Variants in DRG1 observed in about 807,000 individuals in gnomAD.
DRG1 encodes the protein developmentally-regulated GTP-binding protein 1.
DRG1 carries 19 observed loss-of-function variants against 38.8 expected under a neutral mutation model. The observed-to-expected ratio is 0.49, with a 90% CI of 0.34 to 0.72. The LOEUF is 0.72. Ranked by LOEUF, DRG1 falls within the 30% of genes least tolerant of loss-of-function variation. DRG1 has a pLI of 0.01. For synonymous variants in DRG1, 167 were observed against 157.5 expected (o/e 1.06, Z -0.45); for missense variants, 299 against 444.8 (o/e 0.67, Z 2.95).
intron 3 of DRG1, among the ~76,000 whole-genome samples, chr22:31,404,654 C>A (rs138161818): frequency 5.2e-4 from 78 of 151,308 alleles, no homozygotes; most frequent in African/African-American, 1.7e-3. Flanking sequence ...CAGCATCTTG[C>A]TCTGTCTCCC....
chr22:31,419,499 T>A (rs1311612481), intron 4 of DRG1, among the ~76,000 whole-genome samples: 1 of 151,910 alleles, frequency 6.6e-6, no homozygotes, highest in Non-Finnish European at 1.5e-5. Flanking sequence ...CAAAATAATA[T>A]ATTTTATATG....
intron 4 of DRG1, among the ~76,000 whole-genome samples, chr22:31,415,354 T>C (rs2050038504): frequency 2.0e-5 from 3 of 152,242 alleles, no homozygotes; most frequent in Admixed American, 6.5e-5. Flanking sequence ...GAAACTTTTA[T>C]TGGATACCAC....
intron 2 of DRG1, among the ~76,000 whole-genome samples, chr22:31,402,759 C>T (rs2049970251): frequency 6.6e-6 from 1 of 152,102 alleles, no homozygotes; most frequent in Non-Finnish European, 1.5e-5. Context: ...ATCCTCCTGC[C>T]TCAGCCTCTG....
In DRG1 at chr22:31,404,129, C is replaced by CT. The variant is rs905721740; in HGVS notation, c.342+934dup. Among the ~76,000 whole-genome samples, 904 of 150,626 alleles carry CT rather than the reference C, an allele frequency of 6.0e-3. 9 individuals are homozygous for CT. The highest frequency in any genetic ancestry group is 0.021 in the African/African-American group (862 of 41,188). On this transcript the variant is annotated intron_variant, in intron 3 of 8. Transcript: ENST00000331457. Reference sequence around the variant, plus strand: ...GTCTTCTGACCTTAGAGACCCCCAACTTTTTTTTTGCATGGTGCTCTCTTT... The same window carrying CT: ...GTCTTCTGACCTTAGAGACCCCCAACTTTTTTTTTTGCATGGTGCTCTCTTT...
At chr22:31,420,082 T>C (rs907563910) in intron 4 of DRG1, among the ~76,000 whole-genome samples, 174 bp from the exon 5 acceptor site, 2 of 152,186 alleles carry the variant, frequency 1.3e-5, no homozygotes, top group South Asian at 2.1e-4. Flanking sequence ...ACAAAGCAAA[T>C]TGACTTCTGG....
Position 31,399,659 on chromosome 22 carries a change from T to A in DRG1, c.-25T>A, listed in dbSNP as rs181315466. ...CGCGGGTGTGTGAAGGGAGACAGTG[T>A]GGAGGCCACAGGGTACTCGCCACGA... On this transcript the variant is annotated 5_prime_UTR_variant, in exon 1 of 9. Coordinates refer to ENST00000331457, the MANE Select transcript of DRG1 (RefSeq NM_004147.4). The A allele has an allele frequency of 1.2e-6, 2 of 1,613,876 alleles. No homozygotes were observed. The highest frequency in any genetic ancestry group is 2.7e-5 in the African/African-American group (2 of 74,924).
At chr22:31,433,618 T>C (rs2050154488) in intron 8 of DRG1, among the ~76,000 whole-genome samples, 1 of 152,212 alleles carries the variant, frequency 6.6e-6, no homozygotes, top group African/African-American at 2.4e-5. Flanking sequence ...AATTTTAAAC[T>C]AGGCTCTTTA....
chr22:31,428,368 C>T (rs561800567), intron 8 of DRG1, among the ~76,000 whole-genome samples: 4 of 151,986 alleles, frequency 2.6e-5, no homozygotes, highest in African/African-American at 7.3e-5. Context: ...CCCGCCACCA[C>T]GCCCGGCTAA....
At chr22:31,419,826 C>T (rs561010562) in intron 4 of DRG1, among the ~76,000 whole-genome samples, 9 of 152,210 alleles carry the variant, frequency 5.9e-5, no homozygotes, top group African/African-American at 2.2e-4. Flanking sequence ...GGCGGATTGC[C>T]TGAGCTCAGG....
intron 6 of DRG1, among the ~76,000 whole-genome samples, chr22:31,424,460 ATC>A (rs1404527952): frequency 7.4e-6 from 1 of 134,366 alleles, no homozygotes; most frequent in African/African-American, 2.8e-5. Context: ...CTGTGTTACT[ATC>A]TTAAATGATA....
At chr22:31,406,705 T>C (rs181505438) in intron 3 of DRG1, among the ~76,000 whole-genome samples, 1 of 151,550 alleles carries the variant, frequency 6.6e-6, no homozygotes, top group East Asian at 1.9e-4. Context: ...GCAAACATAG[T>C]ACAAAGAGTT....
chr22:31,429,695 G>A (rs982356435), intron 8 of DRG1, among the ~76,000 whole-genome samples: 2 of 151,230 alleles, frequency 1.3e-5, no homozygotes, highest in East Asian at 1.9e-4. Context: ...TGTCCAAGCC[G>A]GAGTGCAGTG....
At chr22:31,425,703 C>T (rs528309479) in intron 6 of DRG1, among the ~76,000 whole-genome samples, 2 of 152,160 alleles carry the variant, frequency 1.3e-5, no homozygotes, top group African/African-American at 4.8e-5. Flanking sequence ...GGCCTCCCAA[C>T]GTGTTGGGAT....
Position 31,433,935 on chromosome 22 carries a change from G to A in DRG1, c.1068G>A (p.Leu356=), listed in dbSNP as rs1209065713. The A allele has an allele frequency of 1.9e-6, 3 of 1,614,074 alleles. No homozygotes were observed. Among genetic ancestry groups the A allele is most frequent in the South Asian group, 1.1e-5 (1 of 91,074 alleles). Residue 356 remains leucine (L), a synonymous_variant, in exon 9 of 9, where the codon TTG becomes TTA. Coordinates refer to ENST00000331457, the MANE Select transcript of DRG1 (RefSeq NM_004147.4). ...AGAAAGTGGGTAAAGACCATACGTTGGAGGATGAGGATGTCATTCAAATTG... is the reference window on the plus strand; with the variant it reads ...AGAAAGTGGGTAAAGACCATACGTTAGAGGATGAGGATGTCATTCAAATTG... ...NPQKVGKDHT[L]EDEDVIQIVK...
intron 8 of DRG1, among the ~76,000 whole-genome samples, chr22:31,429,654 CTT>C (rs695526): frequency 2.8e-5 from 4 of 144,034 alleles, no homozygotes; most frequent in Non-Finnish European, 1.5e-5. Flanking sequence ...TGATAAGCTC[CTT>C]TTTTTTTTTT....
chr22:31,415,709 C>T (rs1458517906), intron 4 of DRG1, among the ~76,000 whole-genome samples: 1 of 151,994 alleles, frequency 6.6e-6, no homozygotes, highest in Admixed American at 6.6e-5. Flanking sequence ...TTAAGAAGTC[C>T]TTATCTTTCC....
intron 4 of DRG1, among the ~76,000 whole-genome samples, chr22:31,416,802 C>CT (rs1347414857): frequency 1.3e-5 from 2 of 151,506 alleles, no homozygotes; most frequent in African/African-American, 4.9e-5. Context: ...ACTCAGAAGG[C>CT]TGAGGCAGGA....
chr22:31,419,616 C>T (rs187618344), intron 4 of DRG1, among the ~76,000 whole-genome samples: 3 of 152,164 alleles, frequency 2.0e-5, no homozygotes, highest in East Asian at 3.9e-4. Context: ...CAAAGGAATG[C>T]TGTAGGTGAT....
intron 3 of DRG1, among the ~76,000 whole-genome samples, chr22:31,406,067 C>T (rs2049989003): frequency 6.7e-6 from 1 of 149,090 alleles, no homozygotes; most frequent in Non-Finnish European, 1.5e-5. Flanking sequence ...TGCAGTGGCA[C>T]AATCTCGGCT....
Sources: gnomAD v4.1 joint callset for allele counts (sites outside exome capture counted in the v4.1 genomes callset) on GRCh38, gnomAD v4.1.1 for gene constraint, MANE v1.5 for transcripts, NCBI Gene and HGNC (gene_info 2026-07-23, HGNC 2026-07-21) for gene names.